KLHL32: variants seen among roughly 807,000 people sequenced by gnomAD.
KLHL32 encodes kelch-like protein 32.
In KLHL32, 35 loss-of-function variants were observed where a neutral mutation model predicts 64.8. That is an observed-to-expected ratio of 0.54 (90% CI 0.41 to 0.72). KLHL32 has a LOEUF of 0.72. Among genes scored for constraint, KLHL32 ranks in the 30% least tolerant of loss-of-function variants. KLHL32 has a pLI of 0.00. For missense variants in KLHL32, 589 were observed against 768.5 expected (o/e 0.77, Z 2.76); for synonymous variants, 259 against 281.0 (o/e 0.92, Z 0.78).
intron 6 of KLHL32, among the ~76,000 whole-genome samples, chr6:97,111,761 G>A (rs1250061679): frequency 6.6e-6 from 1 of 152,114 alleles, no homozygotes; most frequent in East Asian, 1.9e-4. Context: ...AGATGAAGAC[G>A]GTAAATGTGG....
At chr6:97,086,063 C>T (rs746621090) in intron 6 of KLHL32, among the ~76,000 whole-genome samples, 6 of 152,168 alleles carry the variant, frequency 3.9e-5, no homozygotes, top group Admixed American at 6.5e-5. Context: ...TATCTTCCTC[C>T]TCCATATTAC....
Position 97,102,914 on chromosome 6 carries a change from G to A in KLHL32, c.628-10869G>A, listed in dbSNP as rs375120793. Among the ~76,000 whole-genome samples, 60 of 152,032 alleles carry A rather than the reference G, an allele frequency of 3.9e-4. 2 individuals carry two copies. The East Asian group carries it at 6.4e-3, about 16-fold the overall frequency. ...AGGTAAACTGATGTCATGGGGGTTT[G>A]TACAGATTATTTCATCACCCAGATA... is the stretch of plus-strand genomic sequence containing the variant. On this transcript the variant is annotated intron_variant, in intron 6 of 10. Coordinates refer to ENST00000369261, the MANE Select transcript of KLHL32 (RefSeq NM_052904.4).
chr6:97,003,136 T>C (rs1229424152), intron 3 of KLHL32, among the ~76,000 whole-genome samples: 1 of 152,208 alleles, frequency 6.6e-6, no homozygotes, highest in Non-Finnish European at 1.5e-5. Flanking sequence ...TATTCCCTTT[T>C]CTCTGTAACC....
intron 3 of KLHL32, among the ~76,000 whole-genome samples, chr6:97,023,292 TG>T (rs1414544745): frequency 5.9e-5 from 9 of 152,344 alleles, no homozygotes; most frequent in Admixed American, 5.2e-4. Flanking sequence ...CTTTCCCCTC[TG>T]GGGTTTTGGA....
At chr6:97,043,733 CT>C (rs138261410) in intron 4 of KLHL32, among the ~76,000 whole-genome samples, 26,023 of 151,718 alleles carry the variant, frequency 0.17, 2,596 homozygotes, top group African/African-American at 0.29. Flanking sequence ...TATCGATTGT[CT>C]TTTTTTTATA....
intron 6 of KLHL32, among the ~76,000 whole-genome samples, chr6:97,110,759 C>A (rs151215954): frequency 1.3e-5 from 2 of 152,216 alleles, no homozygotes; most frequent in Non-Finnish European, 2.9e-5. Flanking sequence ...GACAGCTTTG[C>A]AGGCGGGAAC....
At chr6:96,934,814 C>A (rs1173039042) in intron 1 of KLHL32, among the ~76,000 whole-genome samples, 2 of 152,190 alleles carry the variant, frequency 1.3e-5, no homozygotes, top group East Asian at 3.8e-4. Context: ...TGTAAGCCAA[C>A]TGGAGAATGC....
rs1334220066 is a variant in KLHL32, at chr6:96,995,250, C to T, written c.204+19073C>T. Among the ~76,000 whole-genome samples the T allele has an allele frequency of 5.9e-5, 9 of 152,302 alleles. No individual in the cohort carries two copies. In the South Asian group the frequency reaches 6.2e-4, roughly 11 times the overall value. ...CTGGTCATGTTCTGCCTAGGTGTTA[C>T]GGTGAAGGAAGTTCAGTTAATTGTT... On this transcript the variant is annotated intron_variant, in intron 3 of 10. Transcript: ENST00000369261.
At chr6:96,934,723 T>G (rs1770368650) in intron 1 of KLHL32, among the ~76,000 whole-genome samples, 1 of 152,238 alleles carries the variant, frequency 6.6e-6, no homozygotes, top group Non-Finnish European at 1.5e-5. Flanking sequence ...ATAACATACA[T>G]TTCTGCATAA....
At chr6:96,914,107 A>G in the KLHL32 span, among the ~76,000 whole-genome samples, 1 of 152,170 alleles carries the variant, frequency 6.6e-6, no homozygotes, top group Non-Finnish European at 1.5e-5. Context: ...GGGGGAATCT[A>G]CAAGCAAAAA....
chr6:96,947,629 G>A (rs1036739336), intron 1 of KLHL32, among the ~76,000 whole-genome samples: 2 of 152,086 alleles, frequency 1.3e-5, no homozygotes, highest in South Asian at 4.2e-4. Flanking sequence ...GAGTACAGAT[G>A]GGAAGGTATA....
intron 3 of KLHL32, among the ~76,000 whole-genome samples, chr6:97,033,174 A>G (rs187916799): frequency 1.3e-5 from 2 of 152,288 alleles, no homozygotes; most frequent in African/African-American, 4.8e-5. Flanking sequence ...TGTACTGGGA[A>G]ACCAAAACAT....
At chr6:97,076,229 C>A (rs900613751) in intron 5 of KLHL32, among the ~76,000 whole-genome samples, 1 of 152,164 alleles carries the variant, frequency 6.6e-6, no homozygotes, top group Admixed American at 6.5e-5. Flanking sequence ...TTTGCTGACA[C>A]TCATAGAAAA....
intron 3 of KLHL32, among the ~76,000 whole-genome samples, chr6:96,987,724 A>C (rs1777290081): frequency 6.6e-6 from 1 of 152,218 alleles, no homozygotes. Context: ...TACAGTAACC[A>C]AAACAGCAAG....
intron 1 of KLHL32, among the ~76,000 whole-genome samples, chr6:96,957,399 A>G (rs2128019844): frequency 6.6e-6 from 1 of 152,250 alleles, no homozygotes; most frequent in East Asian, 1.9e-4. Context: ...TATATGTAGA[A>G]TGTTCATTTT....
intron 1 of KLHL32, among the ~76,000 whole-genome samples, chr6:96,951,056 G>A (rs1376809918): frequency 6.6e-6 from 1 of 152,132 alleles, no homozygotes; most frequent in African/African-American, 2.4e-5. Context: ...AGTTAGGTTA[G>A]AACTGTGACC....
At chr6:97,106,384 A>T (rs1408320412) in intron 6 of KLHL32, among the ~76,000 whole-genome samples, 1 of 152,086 alleles carries the variant, frequency 6.6e-6, no homozygotes, top group Non-Finnish European at 1.5e-5. Context: ...AAGGGAAGGG[A>T]TTATCTGTTC....
intron 5 of KLHL32, among the ~76,000 whole-genome samples, chr6:97,079,081 G>A (rs1221317111): frequency 6.6e-6 from 1 of 152,168 alleles, no homozygotes; most frequent in Non-Finnish European, 1.5e-5. Context: ...AAGGCTGCAT[G>A]TTTTTCTCTC....
intron 3 of KLHL32, among the ~76,000 whole-genome samples, chr6:97,015,800 G>A (rs1330728494): frequency 6.6e-6 from 1 of 152,154 alleles, no homozygotes; most frequent in Non-Finnish European, 1.5e-5. Context: ...CCCATCAGAG[G>A]CATGGAGGCC....
Sources: gnomAD v4.1 joint callset for allele counts (sites outside exome capture counted in the v4.1 genomes callset) on GRCh38, gnomAD v4.1.1 for gene constraint, MANE v1.5 for transcripts, NCBI Gene and HGNC (gene_info 2026-07-23, HGNC 2026-07-21) for gene names.